The following SLIT3 variants were observed in gnomAD, a reference collection of about 807,000 sequenced individuals.
SLIT3 encodes slit guidance ligand 3, also known as slit homolog 3 protein.
SLIT3 carries 68 observed loss-of-function variants against 184.0 expected under a neutral mutation model. The ratio of observed to expected loss-of-function variants is 0.37; its 90% CI spans 0.30 to 0.45. SLIT3 has a LOEUF of 0.45. SLIT3 is among the 20% of genes least tolerant of loss of function. The probability of loss-of-function intolerance (pLI) is 1.00; values close to 1 mark genes in which losing one functional copy is unlikely to be tolerated. For synonymous variants in SLIT3, 831 were observed against 828.6 expected (o/e 1.00, Z -0.05); for missense variants, 1,707 against 2,026.0 (o/e 0.84, Z 3.02).
chr5:168,846,216 T>G (rs10061733), intron 5 of SLIT3, among the ~76,000 whole-genome samples: 1 of 152,086 alleles, frequency 6.6e-6, no homozygotes, highest in Non-Finnish European at 1.5e-5. Context: ...TGATAGAAGA[T>G]TTAGATATTT....
chr5:169,243,883 T>C (rs776431901), intron 3 of SLIT3, among the ~76,000 whole-genome samples: 3 of 152,228 alleles, frequency 2.0e-5, no homozygotes, highest in African/African-American at 7.2e-5. Flanking sequence ...CCCACCAGCA[T>C]GACTAAGTGC....
intron 3 of SLIT3, among the ~76,000 whole-genome samples, chr5:169,232,135 T>C (rs1765026552): frequency 6.6e-6 from 1 of 152,200 alleles, no homozygotes; most frequent in South Asian, 2.1e-4. Flanking sequence ...TTTGGCGAAT[T>C]ATTTATTTTA....
intron 9 of SLIT3, among the ~76,000 whole-genome samples, chr5:168,799,770 C>T (rs1384036193): frequency 6.6e-6 from 1 of 152,136 alleles, no homozygotes; most frequent in African/African-American, 2.4e-5. Flanking sequence ...CTTCCTTGCA[C>T]ACTGGCTCAA....
chr5:169,131,097 A>C (rs1391945812), intron 4 of SLIT3, among the ~76,000 whole-genome samples: 1 of 152,208 alleles, frequency 6.6e-6, no homozygotes, highest in Non-Finnish European at 1.5e-5. Context: ...GTTTCAAATA[A>C]CATAGCTATA....
At chr5:168,714,328 C>T (rs1427516385) in intron 23 of SLIT3, among the ~76,000 whole-genome samples, 1 of 152,220 alleles carries the variant, frequency 6.6e-6, no homozygotes, top group East Asian at 1.9e-4. Context: ...GCCTGGGCCC[C>T]TGGAGAGGCA....
intron 4 of SLIT3, among the ~76,000 whole-genome samples, chr5:169,180,753 T>G (rs1763126804): frequency 6.6e-6 from 1 of 152,136 alleles, no homozygotes; most frequent in South Asian, 2.1e-4. Flanking sequence ...CACCTTTCAC[T>G]CTCATTTAAA....
chr5:168,766,659 G>T (rs1755356401), intron 14 of SLIT3, among the ~76,000 whole-genome samples: 1 of 152,222 alleles, frequency 6.6e-6, no homozygotes, highest in South Asian at 2.1e-4. Context: ...CTGATGGAAG[G>T]GCACCATTAT....
At chr5:169,219,121 T>C (rs1030218522) in intron 3 of SLIT3, among the ~76,000 whole-genome samples, 1 of 152,110 alleles carries the variant, frequency 6.6e-6, no homozygotes, top group Non-Finnish European at 1.5e-5. Flanking sequence ...TTAGGACACA[T>C]TCCCCCAGGA....
chr5:168,809,655 G>T (rs1474362064), intron 8 of SLIT3, among the ~76,000 whole-genome samples: 1 of 152,226 alleles, frequency 6.6e-6, no homozygotes, highest in Non-Finnish European at 1.5e-5. Context: ...TGGCAGTGGT[G>T]TTTTTGGTCT....
At chr5:168,760,666 G>A (rs11742226) in intron 16 of SLIT3, among the ~76,000 whole-genome samples, 196 bp downstream of exon 16, 17,148 of 152,092 alleles carry the variant, frequency 0.11, 1,117 homozygotes, top group African/African-American at 0.14. Context: ...ACACTCAACT[G>A]AAACCATGAA....
At chr5:168,903,999 C>A (rs908816662) in intron 4 of SLIT3, among the ~76,000 whole-genome samples, 11 of 151,958 alleles carry the variant, frequency 7.2e-5, no homozygotes, top group African/African-American at 2.7e-4. Context: ...TATTTTGGAC[C>A]TTACCAACCC....
At chr5:169,167,468 G>A (rs1008410675) in intron 4 of SLIT3, among the ~76,000 whole-genome samples, 7 of 151,520 alleles carry the variant, frequency 4.6e-5, no homozygotes, top group Non-Finnish European at 8.8e-5. Flanking sequence ...AGTAGAGACG[G>A]GGTTTCACCG....
chr5:168,929,843 G>A lies in SLIT3; in HGVS notation c.414-46507C>T, dbSNP rs544707983. On this transcript the variant is annotated intron_variant, in intron 4 of 35. Transcript: ENST00000519560. The stretch of plus-strand genomic sequence containing the variant: ...GGGCCACGGGGACATGGCGTGGGCC[G>A]GCCTCCACAGCAGAGGAGGCGGGTG... Among the ~76,000 whole-genome samples, 10 of 152,330 alleles carry A rather than the reference G, an allele frequency of 6.6e-5. No individual in the cohort carries two copies. The East Asian group carries it at 1.7e-3, about 26-fold the overall frequency.
At chr5:168,793,511 A>G (rs959073267) in intron 10 of SLIT3, among the ~76,000 whole-genome samples, 2 of 152,200 alleles carry the variant, frequency 1.3e-5, no homozygotes, top group African/African-American at 4.8e-5. Flanking sequence ...AAAAAAGGGC[A>G]TCATAATAAA....
At chr5:168,879,736 C>G (rs1197849878) in intron 5 of SLIT3, among the ~76,000 whole-genome samples, 1 of 152,220 alleles carries the variant, frequency 6.6e-6, no homozygotes. Flanking sequence ...AGAAGATGCT[C>G]TGTCCACAAT....
chr5:168,980,223 C>T (rs1754903043), intron 4 of SLIT3, among the ~76,000 whole-genome samples: 1 of 152,096 alleles, frequency 6.6e-6, no homozygotes, highest in African/African-American at 2.4e-5. Flanking sequence ...CCCCCACGCC[C>T]TCTCCTCCCT....
At chr5:168,819,930 A>G (rs1757467876) in intron 7 of SLIT3, among the ~76,000 whole-genome samples, 1 of 152,222 alleles carries the variant, frequency 6.6e-6, no homozygotes, top group African/African-American at 2.4e-5. Context: ...TCAAAAGCCC[A>G]GGGCAGTGGA....
intron 4 of SLIT3, among the ~76,000 whole-genome samples, chr5:168,989,721 G>A (rs370075123): frequency 3.9e-5 from 6 of 152,132 alleles, no homozygotes; most frequent in African/African-American, 1.4e-4. Context: ...ACCCTAAAAC[G>A]AGAAGATCAG....
rs781389953 is a variant in SLIT3 at position 168,749,508 on chromosome 5, T to C, written c.2101A>G (p.Ile701Val). The change falls in exon 19 of 36, where the codon ATC (isoleucine) becomes GTC (valine). Residue 701 changes from isoleucine (I) to valine (V), a missense_variant. Coordinates refer to ENST00000519560, the MANE Select transcript of SLIT3 (RefSeq NM_003062.4). Reference sequence around the variant, plus strand: ...AAGTCCTGGATGGCCACATCCTGGATGGGAATCTCCTTGAGGAAAAATGGC... The same window carrying C: ...AAGTCCTGGATGGCCACATCCTGGACGGGAATCTCCTTGAGGAAAAATGGC... ...QKPFFLKEIPIQDVAIQDFTC... is the reference protein window; with the variant it reads ...QKPFFLKEIPVQDVAIQDFTC... 2.5e-6 allele frequency: 4 copies of C among 1,614,020 alleles called. No homozygotes were observed. The East Asian group carries it at 6.7e-5, about 27-fold the overall frequency.
Sources: allele counts gnomAD v4.1 joint callset (sites outside exome capture counted in the v4.1 genomes callset), GRCh38; gene constraint gnomAD v4.1.1; transcripts MANE v1.5; gene names NCBI Gene and HGNC (gene_info 2026-07-23, HGNC 2026-07-21).